RBFOX1: variants seen among roughly 807,000 people sequenced by gnomAD.
RBFOX1 encodes the protein RNA binding protein fox-1 homolog 1.
In RBFOX1, 8 loss-of-function variants were observed where a neutral mutation model predicts 57.7. The observed-to-expected ratio is 0.14, with a 90% CI of 0.08 to 0.25. The LOEUF (loss-of-function observed/expected upper bound fraction) is 0.25, where lower values mean the gene tolerates loss of function less well. Ranked by LOEUF, RBFOX1 falls within the 10% of genes least tolerant of loss-of-function variation. The pLI, the probability that RBFOX1 is intolerant of heterozygous loss-of-function variation, is 1.00. For missense variants in RBFOX1, 611 were observed against 548.5 expected (o/e 1.11, Z -1.14); for synonymous variants, 326 against 222.4 (o/e 1.47, Z -4.15).
chr16:7,661,987 G>C (rs1033034725), intron 12 of RBFOX1, among the ~76,000 whole-genome samples: 2 of 151,684 alleles, frequency 1.3e-5, no homozygotes, highest in African/African-American at 4.8e-5. Context: ...GCTTGACATG[G>C]AGGCACAAAA....
intron 3 of RBFOX1, among the ~76,000 whole-genome samples, chr16:5,737,320 C>A (rs1176434044): frequency 6.6e-6 from 1 of 151,934 alleles, no homozygotes; most frequent in Non-Finnish European, 1.5e-5. Flanking sequence ...TCGGTCTCTC[C>A]TAAAAGTACA....
intron 4 of RBFOX1, among the ~76,000 whole-genome samples, chr16:7,329,706 C>G (rs1190367786): frequency 2.0e-5 from 3 of 152,024 alleles, no homozygotes; most frequent in Non-Finnish European, 2.9e-5. Flanking sequence ...TAATGGTGAT[C>G]GCGACTGGAG....
At chr16:5,263,792 A>T (rs551514006) in intron 1 of RBFOX1, among the ~76,000 whole-genome samples, 30 of 152,274 alleles carry the variant, frequency 2.0e-4, no homozygotes, top group African/African-American at 6.7e-4. Context: ...GGTCTTTGAG[A>T]TACAGAAGAG....
At chr16:6,274,991 G>C (rs956072718) in intron 1 of RBFOX1, among the ~76,000 whole-genome samples, 2 of 152,142 alleles carry the variant, frequency 1.3e-5, no homozygotes, top group Non-Finnish European at 1.5e-5. Context: ...TTTTAGCTGA[G>C]ATATGTCGCT....
intron 2 of RBFOX1, among the ~76,000 whole-genome samples, chr16:5,503,392 A>G (rs1373106851): frequency 6.6e-6 from 1 of 152,202 alleles, no homozygotes; most frequent in African/African-American, 2.4e-5. Context: ...CACACACCAT[A>G]TAATTCATCA....
At chr16:7,685,636 A>T (rs1359878269) in intron 14 of RBFOX1, among the ~76,000 whole-genome samples, 1 of 152,114 alleles carries the variant, frequency 6.6e-6, no homozygotes, top group Non-Finnish European at 1.5e-5. Context: ...TCAGATTGAC[A>T]TATTTTGGAA....
chr16:5,342,554 T>C (rs1001852181), intron 1 of RBFOX1, among the ~76,000 whole-genome samples: 6 of 152,186 alleles, frequency 3.9e-5, no homozygotes, highest in Admixed American at 3.9e-4. Flanking sequence ...ATGAGGCAAT[T>C]CATGTAGAAC....
Position 6,893,094 on chromosome 16 carries a change from C to G in RBFOX1, c.-15-158963C>G, listed in dbSNP as rs181816903. On this transcript the variant is annotated intron_variant, in intron 3 of 15. Transcript: ENST00000550418. The stretch of plus-strand genomic sequence containing the variant: ...GTAAAAGACTGCCCACCTCACCTGA[C>G]CCTCCTAGATTCCATTCACAGGAGC... 1.9e-3 allele frequency among the ~76,000 whole-genome samples: 295 copies of G among 152,302 alleles called. 7 individuals carry two copies. Among genetic ancestry groups the G allele is most frequent in the Admixed American group, 0.018 (271 of 15,296 alleles).
At chr16:5,703,634 T>G (rs565134508) in intron 3 of RBFOX1, among the ~76,000 whole-genome samples, 8 of 152,328 alleles carry the variant, frequency 5.3e-5, no homozygotes, top group African/African-American at 1.7e-4. Context: ...CATTTGGGTT[T>G]CAGCTCAGCC....
At chr16:7,294,676 G>T (rs536006658) in intron 4 of RBFOX1, among the ~76,000 whole-genome samples, 50 of 152,054 alleles carry the variant, frequency 3.3e-4, no homozygotes, top group Non-Finnish European at 6.9e-4. Flanking sequence ...TGGGGTCAGC[G>T]ATATATTCCT....
At chr16:6,472,806 G>T (rs2095208659) in intron 2 of RBFOX1, among the ~76,000 whole-genome samples, 1 of 151,704 alleles carries the variant, frequency 6.6e-6, no homozygotes, top group South Asian at 2.1e-4. Context: ...TGTGTTTTTA[G>T]TAGAGATGGG....
chr16:5,254,774 C>T (rs1434577551), intron 1 of RBFOX1, among the ~76,000 whole-genome samples: 1 of 152,110 alleles, frequency 6.6e-6, no homozygotes, highest in Non-Finnish European at 1.5e-5. Flanking sequence ...GTGAAGATAC[C>T]CAGTGGGCAG....
chr16:6,785,422 GC>G (rs1482457825), intron 3 of RBFOX1, among the ~76,000 whole-genome samples: 2 of 152,062 alleles, frequency 1.3e-5, no homozygotes, highest in African/African-American at 4.8e-5. Context: ...TTTAGGCTGG[GC>G]AAAACTGCAT....
chr16:6,546,757 A>G (rs2096901968), intron 2 of RBFOX1, among the ~76,000 whole-genome samples: 1 of 152,186 alleles, frequency 6.6e-6, no homozygotes, highest in Non-Finnish European at 1.5e-5. Context: ...AGGGGACATG[A>G]TTTAACCCCT....
rs748682774 is a variant in RBFOX1 at position 7,630,584 on chromosome 16, C to G, written c.677-19C>G. 1 of 1,546,320 alleles carries G rather than the reference C, an allele frequency of 6.5e-7. No individual in the cohort carries two copies. The highest frequency in any genetic ancestry group is 8.8e-7 in the Non-Finnish European group (1 of 1,140,734). On this transcript the variant is annotated intron_variant, in intron 10 of 15. Transcript: ENST00000550418. ...TACCGATTCCCAAACCAGATACCAT[C>G]TCTCTCTCTCTTTCGTAGGCACGGT... is the stretch of plus-strand genomic sequence containing the variant.
chr16:6,761,311 C>A (rs965742374), intron 3 of RBFOX1, among the ~76,000 whole-genome samples: 3 of 151,966 alleles, frequency 2.0e-5, no homozygotes, highest in Non-Finnish European at 2.9e-5. Flanking sequence ...TTGGTTGAAG[C>A]CTTTTGTCTG....
intron 3 of RBFOX1, among the ~76,000 whole-genome samples, chr16:5,735,749 C>T (rs1253548980): frequency 1.3e-5 from 2 of 151,928 alleles, no homozygotes; most frequent in African/African-American, 2.4e-5. Flanking sequence ...TGGTGGTGGG[C>T]GGCTGTAATC....
chr16:6,835,930 A>G (rs942142658), intron 3 of RBFOX1, among the ~76,000 whole-genome samples: 4 of 152,096 alleles, frequency 2.6e-5, no homozygotes, highest in Admixed American at 6.6e-5. Flanking sequence ...TGAGCCTAAA[A>G]TGATAAAGAG....
intron 3 of RBFOX1, among the ~76,000 whole-genome samples, chr16:7,030,959 A>C (rs1236121203): frequency 6.6e-6 from 1 of 152,224 alleles, no homozygotes; most frequent in Non-Finnish European, 1.5e-5. Context: ...TAAAATGATC[A>C]AGAAAGGACA....
Sources: allele counts gnomAD v4.1 joint callset (sites outside exome capture counted in the v4.1 genomes callset), GRCh38; gene constraint gnomAD v4.1.1; transcripts MANE v1.5; gene names NCBI Gene and HGNC (gene_info 2026-07-23, HGNC 2026-07-21).